PHIP: variants seen among roughly 807,000 people sequenced by gnomAD.
The protein encoded by PHIP is PH-interacting protein.
Under a neutral mutation model 236.8 loss-of-function variants are expected in PHIP, and 54 were observed. The observed-to-expected ratio is 0.23, with a 90% CI of 0.18 to 0.29. The LOEUF (loss-of-function observed/expected upper bound fraction) is 0.29. Ranked by LOEUF, PHIP falls within the 10% of genes least tolerant of loss-of-function variation. The probability of loss-of-function intolerance (pLI) is 1.00; values close to 1 mark genes in which losing one functional copy is unlikely to be tolerated. For missense variants in PHIP, 1,370 were observed against 2,190.8 expected (o/e 0.63, Z 7.48); for synonymous variants, 756 against 718.9 (o/e 1.05, Z -0.83).
rs992218038 is a variant in PHIP at position 79,050,849 on chromosome 6, T to G, written c.440-7846A>C. On this transcript the variant is annotated intron_variant, in intron 6 of 39. Coordinates refer to ENST00000275034, the MANE Select transcript of PHIP (RefSeq NM_017934.7). ...GCTATAGAGAATGACAATTGCGTAT[T>G]TGAAAATGGACTGAAAAAATGATAT... 5.9e-5 allele frequency among the ~76,000 whole-genome samples: 9 copies of G among 152,308 alleles called. No individual in the cohort carries two copies. In the South Asian group the frequency reaches 1.9e-3, roughly 32 times the overall value.
chr6:78,982,991 T>G lies in PHIP; in HGVS notation c.2664A>C (p.Glu888Asp). Residue 888 changes from glutamate (E) to aspartate (D), a missense_variant, in exon 23 of 40, where the codon GAA (glutamate) becomes GAC (aspartate). By Grantham distance (45) the Glu-to-Asp change is conservative. Around this residue, in one of 14 missense-constraint regions of PHIP, gnomAD observed 76 missense variants for 76.4 expected, o/e 0.99. Transcript: ENST00000275034. ...ESSSDEEEES[E>D]KQKQKQIKKE... ...TTTTAATCTGTTTTTGCTTCTGTTT[T>G]TCAGATTCTTCTTCTTCATCTGAAC... 6.2e-7 allele frequency: 1 copy of G among 1,609,878 alleles called. No individual in the cohort carries two copies. Among genetic ancestry groups the G allele is most frequent in the Non-Finnish European group, 8.5e-7 (1 of 1,177,502 alleles).
At position 78,940,856 on chromosome 6, in the gene PHIP, G is replaced by A; in HGVS notation, c.5303C>T (p.Thr1768Ile). 2.5e-6 allele frequency: 4 copies of A among 1,613,888 alleles called. No individual in the cohort carries two copies. The highest frequency in any genetic ancestry group is 3.4e-6 in the Non-Finnish European group (4 of 1,179,894). Residue 1768 changes from threonine (T) to isoleucine (I), a missense_variant, in exon 40 of 40, where the codon ACT (threonine) becomes ATT (isoleucine). By Grantham distance (89) the Thr-to-Ile change is moderately conservative. Around this residue, in one of 14 missense-constraint regions of PHIP, gnomAD observed 30 missense variants for 68.2 expected, o/e 0.44. Transcript: ENST00000275034. ...AGCTGTCCTTCGACCTTGATTTCTA[G>A]TTCTCATGTGGGGTTCAGAGCCTTT... ...ELKGSEPHMR[T>I]RNQGRRTAFY...
In PHIP at chr6:79,025,934, G is replaced by C; in HGVS notation, c.822+9C>G. On this transcript the variant is annotated intron_variant, in intron 8 of 39. Transcript: ENST00000275034. ...AACAACAACAATGTATAGGGATTAA[G>C]ACAATTACCTGTAGTGATGTAATAG... 1 of 1,554,906 alleles carries C rather than the reference G, an allele frequency of 6.4e-7. No individual in the cohort carries two copies. Among genetic ancestry groups the C allele is most frequent in the Non-Finnish European group, 8.9e-7 (1 of 1,129,388 alleles).
chr6:79,004,219 C>A (rs1280103795), intron 15 of PHIP, among the ~76,000 whole-genome samples: 2 of 152,064 alleles, frequency 1.3e-5, no homozygotes, highest in Non-Finnish European at 2.9e-5. Flanking sequence ...CATGTAGCAA[C>A]TGTACGGATT....
intron 29 of PHIP, 54 bp downstream of exon 29, chr6:78,965,649 T>G (rs1767078580): frequency 3.0e-6 from 3 of 985,330 alleles, no homozygotes; most frequent in Non-Finnish European, 4.7e-6. Context: ...CTTAAATAAT[T>G]TCTTAAGAAA....
intron 7 of PHIP, among the ~76,000 whole-genome samples, chr6:79,035,652 T>C (rs1771896146): frequency 6.6e-6 from 1 of 152,190 alleles, no homozygotes. Flanking sequence ...GTCAGAGATC[T>C]CATCTCTTAT....
chr6:79,005,533 G>A (rs888504908), intron 15 of PHIP, among the ~76,000 whole-genome samples: 4 of 151,912 alleles, frequency 2.6e-5, no homozygotes, highest in African/African-American at 9.7e-5. Flanking sequence ...CTAAAAATTA[G>A]GGGATTGAAA....
chr6:78,966,331 C>A (rs1316274900), intron 27 of PHIP, among the ~76,000 whole-genome samples: 2 of 152,162 alleles, frequency 1.3e-5, no homozygotes, highest in African/African-American at 4.8e-5. Context: ...GGCATTTTTA[C>A]CAATCTAGCA....
In PHIP at chr6:79,030,729, A is replaced by C. The variant is rs79641473; in HGVS notation, c.601-4565T>G. Among the ~76,000 whole-genome samples the C allele has an allele frequency of 1.4e-3, 207 of 152,346 alleles. 1 individual carries two copies. The East Asian group carries it at 0.038, about 28-fold the overall frequency. Reference sequence around the variant, plus strand: ...AGTTTATACCATAGTAGTCAAAACAATGATAGCAGATGAGATTACGAAGAG... The same window carrying C: ...AGTTTATACCATAGTAGTCAAAACACTGATAGCAGATGAGATTACGAAGAG... On this transcript the variant is annotated intron_variant, in intron 7 of 39. Transcript: ENST00000275034.
intron 33 of PHIP, 104 bp downstream of exon 33, chr6:78,955,509 G>C: frequency 1.8e-6 from 1 of 551,948 alleles, no homozygotes; most frequent in Non-Finnish European, 3.2e-6. Flanking sequence ...AACTACACTA[G>C]ACAAAAAATA....
At chr6:78,943,947 T>C (rs1288769789) in intron 39 of PHIP, among the ~76,000 whole-genome samples, 3 of 143,810 alleles carry the variant, frequency 2.1e-5, no homozygotes, top group African/African-American at 5.3e-5. Flanking sequence ...AATCAGGCCA[T>C]TGCACTTCAG....
chr6:79,013,711 AG>A (rs1368725168), intron 15 of PHIP, among the ~76,000 whole-genome samples: 3 of 151,692 alleles, frequency 2.0e-5, no homozygotes, highest in Non-Finnish European at 3.0e-5. Context: ...ATAACTGAAA[AG>A]TTAAAGCGGT....
chr6:78,969,933 A>G lies in PHIP; in HGVS notation c.3123-16T>C. ...ATCATGGTATCTAATTACAAACAGA[A>G]ACAAATTGATTAGGTCACATACCTA... On this transcript the variant is annotated splice_polypyrimidine_tract_variant and intron_variant, in intron 26 of 39. Transcript: ENST00000275034. 6.3e-7 allele frequency: 1 copy of G among 1,577,302 alleles called. No homozygotes were observed. Among genetic ancestry groups the G allele is most frequent in the Non-Finnish European group, 8.7e-7 (1 of 1,154,200 alleles).
chr6:78,937,917 CCATG>C lies in PHIP; in HGVS notation c.*2772_*2775del, dbSNP rs1237083410. ...AAATACCTAAATTGGTTTACACTTT[CCATG>C]CATGTAAGAGTTATATTTCTGAACT... On this transcript the variant is annotated 3_prime_UTR_variant, in exon 40 of 40. Transcript: ENST00000275034. 6.6e-6 allele frequency: 1 copy of C among 151,628 alleles called. No individual in the cohort carries two copies. 9.4% of individuals were successfully genotyped at this position (151,628 alleles called of 1,614,324 possible). A position where few individuals can be genotyped will look rare whatever the true frequency, so the allele number is the denominator to read the frequency against.
chr6:78,984,721 T>C (rs1386219851), intron 22 of PHIP, among the ~76,000 whole-genome samples: 2 of 152,178 alleles, frequency 1.3e-5, no homozygotes, highest in Non-Finnish European at 2.9e-5. Context: ...ATTGTACAAC[T>C]GAGGAACTCT....
At chr6:78,974,170 A>C in intron 24 of PHIP, among the ~76,000 whole-genome samples, 1 of 152,124 alleles carries the variant, frequency 6.6e-6, no homozygotes. Context: ...AATTATAACA[A>C]ACTATCTCTC....
intron 24 of PHIP, 59 bp from the exon 25 acceptor site, chr6:78,970,947 G>A (rs1391475558): frequency 5.3e-6 from 6 of 1,125,992 alleles, no homozygotes; most frequent in Non-Finnish European, 7.7e-6. Context: ...CCAATATACA[G>A]GGTATCAGCT....
chr6:79,013,367 AC>A (rs1770688053), intron 15 of PHIP, among the ~76,000 whole-genome samples: 1 of 151,756 alleles, frequency 6.6e-6, no homozygotes, highest in South Asian at 2.1e-4. Flanking sequence ...TTCTATGAAT[AC>A]TATCCAATTC....
At chr6:78,975,345 A>G (rs1019505146) in intron 24 of PHIP, among the ~76,000 whole-genome samples, 8 of 152,252 alleles carry the variant, frequency 5.3e-5, no homozygotes, top group African/African-American at 1.9e-4. Context: ...AAAAACTCTC[A>G]ATAAATTAGG....
Sources: allele counts gnomAD v4.1 joint callset (sites outside exome capture counted in the v4.1 genomes callset), GRCh38; gene constraint gnomAD v4.1.1; regional missense constraint gnomAD v4.1.1; transcripts MANE v1.5; gene names NCBI Gene and HGNC (gene_info 2026-07-23, HGNC 2026-07-21).